The following RAB18 variants were observed in gnomAD, a reference collection of about 807,000 sequenced individuals.
RAB18 encodes the protein ras-related protein Rab-18.
In RAB18, 10 loss-of-function variants were observed where a neutral mutation model predicts 28.5. The observed-to-expected ratio is 0.35, with a 90% CI of 0.22 to 0.60. RAB18 has a LOEUF of 0.60. Among genes scored for constraint, RAB18 ranks in the 20% least tolerant of loss-of-function variants. RAB18 has a pLI of 0.78. For synonymous variants in RAB18, 93 were observed against 86.9 expected, an observed-to-expected ratio of 1.07 and a Z score of -0.39; for missense variants, 188 against 244.2, an observed-to-expected ratio of 0.77 and a Z score of 1.53.
intron 2 of RAB18, among the ~76,000 whole-genome samples, chr10:27,523,265 CTTTTTTTTTTTTTT>C (rs34006982): frequency 1.3e-5 from 1 of 79,544 alleles, no homozygotes; most frequent in Non-Finnish European, 2.4e-5. Context: ...TTTTCTTCTT[CTTTTTTTTTTTTTT>C]TTTTTTTTTG....
Position 27,526,479 on chromosome 10 carries a change from A to C in RAB18, c.125-349A>C, listed in dbSNP as rs868639079. Reference sequence around the variant, plus strand: ...GCCCCTGGAAGCTGCCATGACCCACAGTCAGCCATGGATAGTCTTCTTTAT... The same window carrying C: ...GCCCCTGGAAGCTGCCATGACCCACCGTCAGCCATGGATAGTCTTCTTTAT... On this transcript the variant is annotated intron_variant, in intron 2 of 6. Transcript: ENST00000356940. Among the ~76,000 whole-genome samples the C allele has an allele frequency of 3.9e-4, 59 of 152,314 alleles. No individual in the cohort carries two copies. The South Asian group carries it at 6.0e-3, about 16-fold the overall frequency.
intron 3 of RAB18, among the ~76,000 whole-genome samples, chr10:27,527,512 T>C (rs1370047896): frequency 6.6e-6 from 1 of 152,004 alleles, no homozygotes; most frequent in Non-Finnish European, 1.5e-5. Context: ...TGTGTCTCCC[T>C]TTCATCAGTC....
chr10:27,531,301 C>A (rs759373818), intron 3 of RAB18, among the ~76,000 whole-genome samples: 6 of 151,946 alleles, frequency 3.9e-5, no homozygotes, highest in Non-Finnish European at 8.8e-5. Context: ...TCTTAAGTTT[C>A]TCTTCTGGGG....
chr10:27,525,504 T>C (rs1256741688), intron 2 of RAB18, among the ~76,000 whole-genome samples: 1 of 152,012 alleles, frequency 6.6e-6, no homozygotes, highest in Non-Finnish European at 1.5e-5. Flanking sequence ...ACTTTTAAAA[T>C]GGCATAGTAA....
intron 2 of RAB18, among the ~76,000 whole-genome samples, chr10:27,513,380 G>A (rs967572282): frequency 2.0e-5 from 3 of 152,044 alleles, no homozygotes; most frequent in African/African-American, 7.3e-5. Flanking sequence ...ATGGCCTTGT[G>A]AAAATTAGTG....
rs1834835895 is a variant in RAB18, at chr10:27,533,744, T to C, written c.269T>C (p.Val90Ala). Residue 90 changes from valine (V) to alanine (A), a missense_variant, in exon 5 of 7, where the codon GTC becomes GCC. Transcript: ENST00000356940. ...GAQGVILVYDVTRRDTFVKLD... is the reference protein window; with the variant it reads ...GAQGVILVYDATRRDTFVKLD... ...ACTCCTTTTATTTCAGTTTATGATG[T>C]CACAAGAAGAGATACATTTGTTAAA... 2 of 1,613,226 alleles carry C rather than the reference T, an allele frequency of 1.2e-6. No homozygotes were observed. Among genetic ancestry groups the C allele is most frequent in the Admixed American group, 1.7e-5 (1 of 59,994 alleles).
At position 27,539,140 on chromosome 10, in the gene RAB18, C is replaced by A. The variant is rs189434439; in HGVS notation, c.*1089C>A. ...GTTCATCAAAACCAACTTGTACAGACTAATAAATCTTTTTCACAGTATTCA... is the reference window on the plus strand; with the variant it reads ...GTTCATCAAAACCAACTTGTACAGAATAATAAATCTTTTTCACAGTATTCA... On this transcript the variant is annotated 3_prime_UTR_variant, in exon 7 of 7. Coordinates refer to ENST00000356940, the MANE Select transcript of RAB18 (RefSeq NM_021252.5). 9 of 366,154 alleles carry A rather than the reference C, an allele frequency of 2.5e-5. 1 individual carries two copies. The East Asian group carries it at 2.9e-4, about 12-fold the overall frequency. The allele number at this position is 366,154 out of a possible 1,614,324, so 22.7% of individuals were successfully genotyped here.
chr10:27,513,032 A>ATATATATATATTT (rs1190171231), intron 2 of RAB18, among the ~76,000 whole-genome samples: 1 of 142,584 alleles, frequency 7.0e-6, no homozygotes, highest in Admixed American at 7.0e-5. Flanking sequence ...ATATATATAT[A>ATATATATATATTT]TTTTTTTTTT....
chr10:27,532,584 G>A lies in RAB18; in HGVS notation c.259+5G>A, dbSNP rs763723031. 6 of 1,577,566 alleles carry A rather than the reference G, an allele frequency of 3.8e-6. No individual in the cohort carries two copies. In the African/African-American group the frequency reaches 4.0e-5, roughly 11 times the overall value. On this transcript the variant is annotated splice_donor_5th_base_variant and intron_variant, in intron 4 of 6. Coordinates refer to ENST00000356940, the MANE Select transcript of RAB18 (RefSeq NM_021252.5). The stretch of plus-strand genomic sequence containing the variant: ...GTGCACAGGGTGTTATATTAGGTAA[G>A]TGTTTACTTTAATGTACTATTTAAA...
At chr10:27,536,893 A>G (rs1166914694) in intron 6 of RAB18, among the ~76,000 whole-genome samples, 4 of 152,368 alleles carry the variant, frequency 2.6e-5, no homozygotes, top group Middle Eastern at 3.4e-3. Flanking sequence ...GAAGGTAGAA[A>G]CAGCTTATGT....
chr10:27,514,229 G>T lies in RAB18; in HGVS notation c.124+4299G>T, dbSNP rs529631911. ...CAAATGTTTGGAAATAAAAAAGGAAGAAAGAAACAGAAAAACAAAGGACAG... is the reference window on the plus strand; with the variant it reads ...CAAATGTTTGGAAATAAAAAAGGAATAAAGAAACAGAAAAACAAAGGACAG... On this transcript the variant is annotated intron_variant, in intron 2 of 6. Transcript: ENST00000356940. The T allele has an allele frequency of 7.2e-5, 11 of 152,214 alleles. No individual in the cohort carries two copies. In the South Asian group the frequency reaches 2.3e-3, roughly 32 times the overall value. The allele number at this position is 152,214 out of a possible 1,614,324, so 9.4% of individuals were successfully genotyped here.
At chr10:27,504,827 C>A in intron 1 of RAB18, 3 of 475,162 alleles carry the variant, frequency 6.3e-6, no homozygotes, top group Non-Finnish European at 8.5e-6. Context: ...CCTGCCACCC[C>A]GAGACCCGGG....
chr10:27,525,155 A>G (rs1385958832), intron 2 of RAB18, among the ~76,000 whole-genome samples: 1 of 152,202 alleles, frequency 6.6e-6, no homozygotes, highest in Non-Finnish European at 1.5e-5. Context: ...TGGGAAGAAA[A>G]CACATACATT....
chr10:27,520,261 G>A (rs1016832522), intron 2 of RAB18, among the ~76,000 whole-genome samples: 2 of 151,966 alleles, frequency 1.3e-5, no homozygotes, highest in East Asian at 1.9e-4. Flanking sequence ...TATCCATTTC[G>A]TTGACATAAC....
At chr10:27,533,431 A>C (rs1834827325) in intron 4 of RAB18, among the ~76,000 whole-genome samples, 1 of 151,936 alleles carries the variant, frequency 6.6e-6, no homozygotes, top group South Asian at 2.1e-4. Flanking sequence ...CTCATTCATC[A>C]TTATGAATGG....
chr10:27,507,076 A>G (rs1041641133), intron 1 of RAB18, among the ~76,000 whole-genome samples: 11 of 152,236 alleles, frequency 7.2e-5, no homozygotes, highest in South Asian at 4.1e-4. Flanking sequence ...ATAGAAGTCT[A>G]TGCCTTTTAA....
At chr10:27,516,674 G>A (rs1417255099) in intron 2 of RAB18, among the ~76,000 whole-genome samples, 1 of 151,956 alleles carries the variant, frequency 6.6e-6, no homozygotes, top group African/African-American at 2.4e-5. Context: ...CTTCTAATTT[G>A]GAATTCTTTT....
intron 2 of RAB18, among the ~76,000 whole-genome samples, chr10:27,521,791 C>T (rs970887175): frequency 6.6e-6 from 1 of 151,654 alleles, no homozygotes; most frequent in Non-Finnish European, 1.5e-5. Context: ...CGGAAATTAC[C>T]CTAAAGAACT....
chr10:27,537,810 C>T, intron 6 of RAB18, 66 bp from the exon 7 acceptor site: 1 of 1,429,604 alleles, frequency 7.0e-7, no homozygotes, highest in Non-Finnish European at 9.8e-7. Context: ...GATAGTTTCC[C>T]AGAAAAACAT....
Sources: allele counts gnomAD v4.1 joint callset (sites outside exome capture counted in the v4.1 genomes callset), GRCh38; gene constraint gnomAD v4.1.1; transcripts MANE v1.5; gene names NCBI Gene and HGNC (gene_info 2026-07-23, HGNC 2026-07-21).